The following GPC6 variants were observed in gnomAD, a reference collection of about 807,000 sequenced individuals.
GPC6 encodes the protein glypican 6, also known as glypican-6.
In GPC6, 14 loss-of-function variants were observed where a neutral mutation model predicts 55.2. The ratio of observed to expected loss-of-function variants is 0.25; its 90% CI spans 0.17 to 0.40. The LOEUF (loss-of-function observed/expected upper bound fraction) is 0.40, where lower values mean the gene tolerates loss of function less well. Among genes scored for constraint, GPC6 ranks in the 10% least tolerant of loss-of-function variants. The pLI is 1.00. For synonymous variants in GPC6, 278 were observed against 259.6 expected (o/e 1.07, Z -0.68); for missense variants, 641 against 708.5 (o/e 0.90, Z 1.08).
rs145851734 is a variant in GPC6, at chr13:94,347,011, C to G, written c.1153-35403C>G. ...ATAGCATAATACTAACAGGGGTGAA[C>G]AGAAAGAAGCATCATGAGTATAATT... On this transcript the variant is annotated intron_variant, in intron 6 of 8. Transcript: ENST00000377047. Among the ~76,000 whole-genome samples the G allele has an allele frequency of 3.7e-3, 560 of 152,242 alleles. 2 individuals carry two copies. Among genetic ancestry groups the G allele is most frequent in the African/African-American group, 0.013 (532 of 41,540 alleles).
At chr13:93,359,258 AC>A (rs1378493875) in intron 1 of GPC6, among the ~76,000 whole-genome samples, 2 of 152,112 alleles carry the variant, frequency 1.3e-5, no homozygotes, top group Non-Finnish European at 2.9e-5. Flanking sequence ...GAGCCACCGC[AC>A]CCAACCTAAT....
intron 1 of GPC6, among the ~76,000 whole-genome samples, chr13:93,279,981 G>A (rs1179336128): frequency 6.6e-6 from 1 of 152,146 alleles, no homozygotes; most frequent in East Asian, 1.9e-4. Context: ...AGTGGGAAAT[G>A]CCTAGCCTGA....
At chr13:93,566,739 G>C (rs1278520228) in intron 2 of GPC6, among the ~76,000 whole-genome samples, 1 of 151,452 alleles carries the variant, frequency 6.6e-6, no homozygotes, top group Non-Finnish European at 1.5e-5. Context: ...GACAGGCCCT[G>C]GTGTGTGATG....
intron 2 of GPC6, among the ~76,000 whole-genome samples, chr13:93,686,668 T>A (rs147082078): frequency 1.3e-5 from 2 of 152,332 alleles, no homozygotes; most frequent in East Asian, 3.9e-4. Context: ...TCATTCTTTT[T>A]AAGGAATTGT....
At chr13:93,912,190 A>G (rs1291821043) in intron 3 of GPC6, among the ~76,000 whole-genome samples, 1 of 152,176 alleles carries the variant, frequency 6.6e-6, no homozygotes, top group Non-Finnish European at 1.5e-5. Flanking sequence ...TCTTTACCAT[A>G]TCAGAAGCAC....
chr13:93,366,423 G>T (rs142188775), intron 1 of GPC6, among the ~76,000 whole-genome samples: 26 of 152,176 alleles, frequency 1.7e-4, no homozygotes, highest in African/African-American at 6.0e-4. Flanking sequence ...TTAAATGTGT[G>T]CAGACTACAT....
intron 2 of GPC6, among the ~76,000 whole-genome samples, chr13:93,763,530 G>A (rs1441304433): frequency 1.3e-5 from 2 of 152,110 alleles, no homozygotes; most frequent in East Asian, 3.9e-4. Context: ...TTACCATCAG[G>A]CATCATTCAA....
rs902558654 is a variant in GPC6 at position 94,199,508 on chromosome 13, C to T, written c.878-86841C>T. ...ATTTGGAACAATAACATTCACTCCA[C>T]GGAGTGATGATGAGGTTTCTGGTGG... is the stretch of plus-strand genomic sequence containing the variant. On this transcript the variant is annotated intron_variant, in intron 4 of 8. Coordinates refer to ENST00000377047, the MANE Select transcript of GPC6 (RefSeq NM_005708.5). Among the ~76,000 whole-genome samples, 8 of 152,118 alleles carry T rather than the reference C, an allele frequency of 5.3e-5. No homozygotes were observed. In the South Asian group the frequency reaches 1.0e-3, roughly 20 times the overall value.
chr13:93,279,823 A>C (rs1349486357), intron 1 of GPC6, among the ~76,000 whole-genome samples: 1 of 152,202 alleles, frequency 6.6e-6, no homozygotes, highest in Non-Finnish European at 1.5e-5. Context: ...CATTGTTGAA[A>C]ACTTTGCTTA....
At chr13:93,921,158 C>T (rs747571296) in intron 3 of GPC6, among the ~76,000 whole-genome samples, 1 of 152,162 alleles carries the variant, frequency 6.6e-6, no homozygotes, top group Non-Finnish European at 1.5e-5. Context: ...TCCTGACCCC[C>T]CTTACAGGAC....
At chr13:93,437,660 G>A (rs1354644008) in intron 1 of GPC6, among the ~76,000 whole-genome samples, 1 of 152,130 alleles carries the variant, frequency 6.6e-6, no homozygotes, top group East Asian at 1.9e-4. Context: ...GCTAGCAGAG[G>A]TTCATGATAT....
intron 1 of GPC6, among the ~76,000 whole-genome samples, chr13:93,232,929 G>C (rs1876109883): frequency 6.6e-6 from 1 of 151,994 alleles, no homozygotes; most frequent in Non-Finnish European, 1.5e-5. Context: ...AACAGTATAA[G>C]AACAACCTTT....
intron 4 of GPC6, among the ~76,000 whole-genome samples, chr13:94,148,971 C>A (rs1887649024): frequency 6.6e-6 from 1 of 152,100 alleles, no homozygotes; most frequent in Non-Finnish European, 1.5e-5. Flanking sequence ...TACACACACA[C>A]AAAAATTGAG....
intron 1 of GPC6, among the ~76,000 whole-genome samples, chr13:93,401,689 CTT>C (rs4001853): frequency 0.21 from 13,359 of 64,744 alleles, 1,254 homozygotes; most frequent in East Asian, 0.42. Flanking sequence ...CATGAATGGA[CTT>C]TTTTTTTTTT....
intron 1 of GPC6, among the ~76,000 whole-genome samples, chr13:93,291,987 G>A (rs1425036020): frequency 6.6e-6 from 1 of 152,142 alleles, no homozygotes; most frequent in Non-Finnish European, 1.5e-5. Flanking sequence ...TAATGCTACA[G>A]TATAGCATTT....
intron 4 of GPC6, among the ~76,000 whole-genome samples, chr13:94,160,074 A>C (rs1482385300): frequency 6.6e-6 from 1 of 152,188 alleles, no homozygotes; most frequent in East Asian, 1.9e-4. Flanking sequence ...TCTTATAGCC[A>C]ATCATGGTCC....
At chr13:93,821,870 A>G (rs1267594385) in intron 2 of GPC6, among the ~76,000 whole-genome samples, 1 of 152,162 alleles carries the variant, frequency 6.6e-6, no homozygotes, top group South Asian at 2.1e-4. Flanking sequence ...AAGGATAACT[A>G]TTATAGAGAA....
chr13:93,373,572 C>T (rs1874757639), intron 1 of GPC6, among the ~76,000 whole-genome samples: 2 of 152,136 alleles, frequency 1.3e-5, no homozygotes, highest in Admixed American at 1.3e-4. Context: ...GAATACATCT[C>T]TTGTGGTTTC....
intron 6 of GPC6, among the ~76,000 whole-genome samples, chr13:94,360,172 T>C (rs888366120): frequency 6.6e-6 from 1 of 152,244 alleles, no homozygotes; most frequent in Non-Finnish European, 1.5e-5. Flanking sequence ...TTTTCCATTT[T>C]AAAGCCAGGA....
Sources: allele counts gnomAD v4.1 joint callset (sites outside exome capture counted in the v4.1 genomes callset), GRCh38; gene constraint gnomAD v4.1.1; transcripts MANE v1.5; gene names NCBI Gene and HGNC (gene_info 2026-07-23, HGNC 2026-07-21).